LRPAP1: variants seen among roughly 807,000 people sequenced by gnomAD.
LRPAP1 encodes the protein LDL receptor related protein associated protein 1.
In LRPAP1, 41 loss-of-function variants were observed where a neutral mutation model predicts 39.9. The ratio of observed to expected loss-of-function variants is 1.03; its 90% CI spans 0.80 to 1.33. LRPAP1 has a LOEUF of 1.33. LRPAP1 is among the 40% of genes most tolerant of loss of function. LRPAP1 has a pLI of 0.00. For missense variants in LRPAP1, 565 were observed against 482.3 expected (o/e 1.17, Z -1.61); for synonymous variants, 263 against 212.7 (o/e 1.24, Z -2.06).
At chr4:3,520,032 G>T in intron 3 of LRPAP1, 40 bp downstream of exon 3, 1 of 1,606,854 alleles carries the variant, frequency 6.2e-7, no homozygotes, top group Non-Finnish European at 8.5e-7. Flanking sequence ...TCAACGTAAC[G>T]GCACCAATTC....
intron 6 of LRPAP1, 50 bp downstream of exon 6, chr4:3,516,066 G>C (rs767949286): frequency 2.6e-6 from 4 of 1,518,798 alleles, no homozygotes; most frequent in Admixed American, 2.0e-5. Flanking sequence ...AACTGCAAGA[G>C]AATCTTCACC....
Position 3,524,964 on chromosome 4 carries a change from G to C in LRPAP1, c.292C>G (p.Leu98Val). The C allele has an allele frequency of 1.9e-6, 3 of 1,614,174 alleles. No homozygotes were observed. The highest frequency in any genetic ancestry group is 1.1e-5 in the South Asian group (1 of 91,086). Residue 98 changes from leucine (L) to valine (V), a missense_variant, in exon 2 of 8, where the codon CTT (leucine) becomes GTT (valine). Coordinates refer to ENST00000650182, the MANE Select transcript of LRPAP1 (RefSeq NM_002337.4). The stretch of plus-strand genomic sequence containing the variant: ...TCCCCATCTTCGTCCAAGCCGTCAA[G>C]CTTTAGTTTCTTCCAGGCGAGTTCG... ...RDELAWKKLK[L>V]DGLDEDGEKE...
chr4:3,512,866 G>T lies in LRPAP1; in HGVS notation c.*108C>A. ...CAATCCTTCCTGCCTCGACACCCGT[G>T]CCAGCCCCAGCCACCCTGACGGCGG... On this transcript the variant is annotated 3_prime_UTR_variant, in exon 8 of 8. Transcript: ENST00000650182. 2 of 916,592 alleles carry T rather than the reference G, an allele frequency of 2.2e-6. No individual in the cohort carries two copies. The allele number at this position is 916,592 out of a possible 1,614,324, so 56.8% of individuals were successfully genotyped here.
chr4:3,517,903 G>A (rs1729769436), intron 5 of LRPAP1, 131 bp downstream of exon 5: 1 of 1,163,660 alleles, frequency 8.6e-7, no homozygotes. Context: ...GGTAGACTGA[G>A]CGCGCCGAGG....
At position 3,509,902 on chromosome 4, in the gene LRPAP1, C is replaced by G. The variant is rs1404369406; in HGVS notation, c.*3072G>C. On this transcript the variant is annotated 3_prime_UTR_variant, in exon 8 of 8. Transcript: ENST00000650182. ...ACTGGAGACTGTTAAGACACCGATT[C>G]TTCCCAACATGTATTCAAGACATTC... 1 of 152,210 alleles carries G rather than the reference C, an allele frequency of 6.6e-6. No individual in the cohort carries two copies. The highest frequency in any genetic ancestry group is 1.5e-5 in the Non-Finnish European group (1 of 68,054). 9.4% of individuals were successfully genotyped at this position (152,210 alleles called of 1,614,324 possible).
At chr4:3,528,479 A>G (rs1201785544) in intron 1 of LRPAP1, among the ~76,000 whole-genome samples, 1 of 152,066 alleles carries the variant, frequency 6.6e-6, no homozygotes, top group Non-Finnish European at 1.5e-5. Context: ...GCCCCAGGAA[A>G]CCCAGGCCAG....
chr4:3,525,663 G>A (rs1436721510), intron 1 of LRPAP1, among the ~76,000 whole-genome samples: 1 of 152,110 alleles, frequency 6.6e-6, no homozygotes, highest in Non-Finnish European at 1.5e-5. Context: ...ACGAGCTGCC[G>A]CACTGGGGCT....
In LRPAP1 at chr4:3,532,078, G is replaced by A. The variant is rs1730271796; in HGVS notation, c.204+131C>T. Reference sequence around the variant, plus strand: ...GACACTTGGGGGAGGCTGTGCCAAGGACAGGGCGCGTAGGGCACAGGTGCC... The same window carrying A: ...GACACTTGGGGGAGGCTGTGCCAAGAACAGGGCGCGTAGGGCACAGGTGCC... On this transcript the variant is annotated intron_variant, in intron 1 of 7. Coordinates refer to ENST00000650182, the MANE Select transcript of LRPAP1 (RefSeq NM_002337.4). 7.7e-6 allele frequency: 8 copies of A among 1,035,638 alleles called. No homozygotes were observed. The South Asian group carries it at 1.1e-4, about 15-fold the overall frequency. 64.2% of individuals were successfully genotyped at this position (1,035,638 alleles called of 1,614,324 possible). A position where few individuals can be genotyped will look rare whatever the true frequency, so the allele number is the denominator to read the frequency against.
Position 3,510,315 on chromosome 4 carries a change from C to A in LRPAP1, c.*2659G>T, listed in dbSNP as rs966153574. 5 of 152,182 alleles carry A rather than the reference C, an allele frequency of 3.3e-5. No individual in the cohort carries two copies. Among genetic ancestry groups the A allele is most frequent in the Admixed American group, 1.3e-4 (2 of 15,274 alleles). 9.4% of individuals were successfully genotyped at this position (152,182 alleles called of 1,614,324 possible). A position where few individuals can be genotyped will look rare whatever the true frequency, so the allele number is the denominator to read the frequency against. ...AAAATCAGCCGGGTGTGGTGACACA[C>A]GCCTGTGGTCGCAGCTACTACTCAG... On this transcript the variant is annotated 3_prime_UTR_variant, in exon 8 of 8. Coordinates refer to ENST00000650182, the MANE Select transcript of LRPAP1 (RefSeq NM_002337.4).
chr4:3,512,753 C>T lies in LRPAP1; in HGVS notation c.*221G>A. On this transcript the variant is annotated 3_prime_UTR_variant, in exon 8 of 8. Coordinates refer to ENST00000650182, the MANE Select transcript of LRPAP1 (RefSeq NM_002337.4). ...CTGATGCTGAGTGGAAGCCAAGCCC[C>T]TTCAGTCAGAGCTGGGCCGATCTCA... 1 of 556,938 alleles carries T rather than the reference C, an allele frequency of 1.8e-6. No homozygotes were observed. Among genetic ancestry groups the T allele is most frequent in the South Asian group, 2.2e-5 (1 of 44,716 alleles). The allele number at this position is 556,938 out of a possible 1,614,324, so 34.5% of individuals were successfully genotyped here.
chr4:3,516,621 C>T (rs908132335), intron 5 of LRPAP1, among the ~76,000 whole-genome samples: 3 of 152,248 alleles, frequency 2.0e-5, no homozygotes, highest in Non-Finnish European at 2.9e-5. Flanking sequence ...CGTTTCCCTT[C>T]GGTCCTGCTC....
At position 3,513,071 on chromosome 4, in the gene LRPAP1, C is replaced by A. The variant is rs565450105; in HGVS notation, c.1012-35G>T. The A allele has an allele frequency of 3.8e-6, 6 of 1,564,278 alleles. No homozygotes were observed. The East Asian group carries it at 1.4e-4, about 36-fold the overall frequency. On this transcript the variant is annotated intron_variant, in intron 7 of 7. Transcript: ENST00000650182. ...GAAACGTCTCATCAGCTGGGGACAG[C>A]GCGCCTCGAGGCCAGCTCTGTGAGC...
Position 3,518,995 on chromosome 4 carries a change from A to C in LRPAP1, c.472-4T>G. ...AGAATTTCCCAGAGGTCTTCGCCTA[A>C]GAGGGAAACAAGGCCTGGAGTGAAC... On this transcript the variant is annotated splice_polypyrimidine_tract_variant and splice_region_variant and intron_variant, in intron 3 of 7. Coordinates refer to ENST00000650182, the MANE Select transcript of LRPAP1 (RefSeq NM_002337.4). 2 of 1,613,012 alleles carry C rather than the reference A, an allele frequency of 1.2e-6. No homozygotes were observed. Among genetic ancestry groups the C allele is most frequent in the Non-Finnish European group, 1.7e-6 (2 of 1,179,356 alleles).
In LRPAP1 at chr4:3,508,288, G is replaced by A. The variant is rs543321378; in HGVS notation, c.*4686C>T. ...CCCAAAGTGCTGGGATTACAAGCGT[G>A]AGCCACCATGCCAGGCCTCATGTCT... On this transcript the variant is annotated 3_prime_UTR_variant, in exon 8 of 8. Transcript: ENST00000650182. 1 of 152,238 alleles carries A rather than the reference G, an allele frequency of 6.6e-6. No homozygotes were observed. The highest frequency in any genetic ancestry group is 1.5e-5 in the Non-Finnish European group (1 of 68,016). The allele number at this position is 152,238 out of a possible 1,614,324, so 9.4% of individuals were successfully genotyped here.
Position 3,532,196 on chromosome 4 carries a change from G to C in LRPAP1, c.204+13C>G, listed in dbSNP as rs1446171907. ...CCCCAGGCCCCGCTCCACCGACCGC[G>C]GGCCGCGCTCACTCGCTGGGCCTTC... On this transcript the variant is annotated intron_variant, in intron 1 of 7. Transcript: ENST00000650182. The C allele has an allele frequency of 6.5e-6, 10 of 1,544,226 alleles. No individual in the cohort carries two copies. The African/African-American group carries it at 6.9e-5, about 11-fold the overall frequency.
rs201770716 is a variant in LRPAP1, at chr4:3,532,392, C to A, written c.21G>T (p.Arg7Ser). Reference protein sequence around the residue: MAPRRVRSFLRGLPALL... With the variant: MAPRRVSSFLRGLPALL... ...GCGCCGGGAGCCCGCGCAGAAACGA[C>A]CTGACCCTCCGCGGCGCCATCTTCC... Residue 7 changes from arginine (R) to serine (S), a missense_variant, in exon 1 of 8, where the codon AGG becomes AGT. Arg to Ser is a moderately radical substitution (Grantham distance 110, BLOSUM62 -1). Transcript: ENST00000650182. 3.2e-6 allele frequency: 5 copies of A among 1,584,178 alleles called. No homozygotes were observed. In the African/African-American group the frequency reaches 4.0e-5, roughly 13 times the overall value.
At position 3,505,084 on chromosome 4, in the gene LRPAP1, T is replaced by TGGTGGCCCGGGTCCTGCCAC. The variant is rs1560246377; in HGVS notation, c.*7889_*7890insGTGGCAGGACCCGGGCCACC. Among the ~76,000 whole-genome samples, 36 of 152,078 alleles carry TGGTGGCCCGGGTCCTGCCAC rather than the reference T, an allele frequency of 2.4e-4. No homozygotes were observed. The highest frequency in any genetic ancestry group is 7.2e-4 in the African/African-American group (30 of 41,430). On this transcript the variant is annotated 3_prime_UTR_variant, in exon 8 of 8. Coordinates refer to ENST00000650182, the MANE Select transcript of LRPAP1 (RefSeq NM_002337.4). Reference sequence around the variant, plus strand: ...GCTAAAATAATCATGTGCCCTACCATGCACGCAGCCATGGTGGCCCGGGTC... The same window carrying TGGTGGCCCGGGTCCTGCCAC: ...GCTAAAATAATCATGTGCCCTACCATGGTGGCCCGGGTCCTGCCACGCACGCAGCCATGGTGGCCCGGGTC...
intron 1 of LRPAP1, among the ~76,000 whole-genome samples, chr4:3,526,583 A>G (rs1486613677): frequency 1.3e-5 from 2 of 152,122 alleles, no homozygotes; most frequent in Non-Finnish European, 2.9e-5. Context: ...TGTGGCCCAC[A>G]CTGCCTTGCA....
At chr4:3,519,303 C>T (rs557878127) in intron 3 of LRPAP1, among the ~76,000 whole-genome samples, 11 of 152,314 alleles carry the variant, frequency 7.2e-5, no homozygotes, top group African/African-American at 2.2e-4. Flanking sequence ...CTGGCTCTCC[C>T]GGCTGCAGGT....
Sources: gnomAD v4.1 joint callset for allele counts (sites outside exome capture counted in the v4.1 genomes callset) on GRCh38, gnomAD v4.1.1 for gene constraint, MANE v1.5 for transcripts, NCBI Gene and HGNC (gene_info 2026-07-23, HGNC 2026-07-21) for gene names.